The following N4BP2L2 variants were observed in gnomAD, a reference collection of about 807,000 sequenced individuals.
N4BP2L2 encodes NEDD4-binding protein 2-like 2.
N4BP2L2 carries 50 observed loss-of-function variants against 56.2 expected under a neutral mutation model. That is an observed-to-expected ratio of 0.89 (90% CI 0.71 to 1.13). N4BP2L2 has a LOEUF of 1.13. N4BP2L2 is among the 50% of genes most tolerant of loss of function. The pLI is 0.00. For synonymous variants in N4BP2L2, 203 were observed against 223.6 expected (o/e 0.91, Z 0.82); for missense variants, 689 against 693.8 (o/e 0.99, Z 0.08).
At chr13:32,534,122 T>C (rs1307082830) in intron 2 of N4BP2L2, among the ~76,000 whole-genome samples, 3 of 152,170 alleles carry the variant, frequency 2.0e-5, no homozygotes, top group Non-Finnish European at 2.9e-5. Flanking sequence ...AAACAACCCA[T>C]TGCACAAGAT....
At chr13:32,524,653 A>G (rs891662245) in intron 3 of N4BP2L2, 4 of 152,220 alleles carry the variant, frequency 2.6e-5, no homozygotes, top group African/African-American at 9.7e-5. Flanking sequence ...ATTCAAGTTC[A>G]TATTTATTAT....
At chr13:32,470,220 C>T (rs2082047562) in intron 6 of N4BP2L2, among the ~76,000 whole-genome samples, 1 of 152,186 alleles carries the variant, frequency 6.6e-6, no homozygotes, top group African/African-American at 2.4e-5. Flanking sequence ...GGAACTGGGA[C>T]TTCTTTTCCA....
chr13:32,519,095 A>G (rs1377914812), intron 5 of N4BP2L2, among the ~76,000 whole-genome samples: 1 of 152,170 alleles, frequency 6.6e-6, no homozygotes, highest in East Asian at 1.9e-4. Context: ...AAGAAAAGAA[A>G]GCAAAAAAGA....
At chr13:32,479,163 A>T (rs374887047) in intron 6 of N4BP2L2, among the ~76,000 whole-genome samples, 3 of 152,046 alleles carry the variant, frequency 2.0e-5, no homozygotes, top group Admixed American at 1.3e-4. Context: ...GAACGTTATG[A>T]TATTATTGAA....
chr13:32,526,302 C>T (rs1448354576), intron 3 of N4BP2L2, among the ~76,000 whole-genome samples: 2 of 152,094 alleles, frequency 1.3e-5, no homozygotes, highest in Admixed American at 1.3e-4. Context: ...CCAATTCAAA[C>T]AAAATAACTG....
At chr13:32,498,671 T>C (rs2089317512) in intron 6 of N4BP2L2, among the ~76,000 whole-genome samples, 1 of 151,930 alleles carries the variant, frequency 6.6e-6, no homozygotes, top group Non-Finnish European at 1.5e-5. Flanking sequence ...TATACATTAC[T>C]AAAGTATCAG....
intron 8 of N4BP2L2, among the ~76,000 whole-genome samples, chr13:32,437,980 T>C (rs1159374810): frequency 2.0e-5 from 3 of 152,256 alleles, no homozygotes; most frequent in Admixed American, 2.0e-4. Context: ...TATTTTTTAT[T>C]CCATAATTTA....
At chr13:32,491,350 T>C (rs2087012475) in intron 6 of N4BP2L2, among the ~76,000 whole-genome samples, 2 of 152,064 alleles carry the variant, frequency 1.3e-5, no homozygotes, top group South Asian at 2.1e-4. Context: ...GCTCCTGTTA[T>C]ACTAAGTAGA....
intron 8 of N4BP2L2, among the ~76,000 whole-genome samples, chr13:32,436,806 AAAAAGAAAGGAAG>A (rs2075552108): frequency 8.4e-5 from 11 of 130,700 alleles, no homozygotes; most frequent in Admixed American, 7.9e-4. Context: ...AAAAAAAAAA[AAAAAGAAAGGAAG>A]AAAGAAAGAA....
At chr13:32,435,676 G>A (rs1217694679) in intron 9 of N4BP2L2, among the ~76,000 whole-genome samples, 2 of 152,030 alleles carry the variant, frequency 1.3e-5, no homozygotes, top group Non-Finnish European at 2.9e-5. Context: ...CAAATCTTCA[G>A]TTCTTCCTCT....
At chr13:32,536,270 A>G (rs770174317) in exon 2 of N4BP2L2, 1 of 1,613,656 alleles carries the variant, frequency 6.2e-7, no homozygotes, top group Non-Finnish European at 8.5e-7. Context: ...AAATGTAGGT[A>G]TTACTTGTCC....
chr13:32,534,668 A>C (rs1190700656), intron 2 of N4BP2L2, among the ~76,000 whole-genome samples: 3 of 152,194 alleles, frequency 2.0e-5, no homozygotes, highest in Non-Finnish European at 4.4e-5. Flanking sequence ...AAATATCACA[A>C]ATTAAATCTT....
intron 6 of N4BP2L2, among the ~76,000 whole-genome samples, chr13:32,491,236 C>T (rs545996800): frequency 1.3e-5 from 2 of 152,176 alleles, no homozygotes; most frequent in African/African-American, 2.4e-5. Context: ...TTTCATCATG[C>T]TTACCATGCA....
rs553697945 is a variant in N4BP2L2, at chr13:32,440,016, A to G, written c.2105-1279T>C. ...ACTCTAGCCTGGGTGGCAGAGCGAG[A>G]CTCCGTCTCAAAAAAAAAAAAAAAG... On this transcript the variant is annotated intron_variant, in intron 7 of 9. Coordinates refer to the N4BP2L2 transcript ENST00000357505. Among the ~76,000 whole-genome samples, 237 of 144,030 alleles carry G rather than the reference A, an allele frequency of 1.6e-3. 4 individuals carry two copies. In the South Asian group the frequency reaches 0.028, roughly 17 times the overall value. The allele number at this position is 144,030 out of a possible 152,430, so 94.5% of individuals were successfully genotyped here.
chr13:32,455,008 G>C (rs1376793559), intron 6 of N4BP2L2, among the ~76,000 whole-genome samples: 3 of 152,196 alleles, frequency 2.0e-5, no homozygotes, highest in Non-Finnish European at 4.4e-5. Context: ...TAAGCCCTGA[G>C]ACTACTGCAG....
At chr13:32,465,855 T>C (rs2081130269) in intron 6 of N4BP2L2, among the ~76,000 whole-genome samples, 1 of 152,134 alleles carries the variant, frequency 6.6e-6, no homozygotes, top group African/African-American at 2.4e-5. Flanking sequence ...GGTTTCACCA[T>C]GTTGGTCAGG....
intron 6 of N4BP2L2, among the ~76,000 whole-genome samples, chr13:32,476,344 T>A (rs972427389): frequency 1.3e-5 from 2 of 152,168 alleles, no homozygotes; most frequent in African/African-American, 4.8e-5. Context: ...CTTCTTTGCT[T>A]TTGTCTAAAA....
At chr13:32,443,092 G>A (rs756539107) in exon 7 of N4BP2L2, 2 of 1,604,764 alleles carry the variant, frequency 1.2e-6, no homozygotes, top group South Asian at 1.1e-5. Context: ...CTTATTTTTT[G>A]TTGATTCTAA....
At chr13:32,494,433 C>T (rs1312774624) in intron 6 of N4BP2L2, among the ~76,000 whole-genome samples, 2 of 151,914 alleles carry the variant, frequency 1.3e-5, no homozygotes, top group Non-Finnish European at 2.9e-5. Flanking sequence ...CCAGAATATC[C>T]ATAAATAGCA....
Sources: gnomAD v4.1 joint callset for allele counts (sites outside exome capture counted in the v4.1 genomes callset) on GRCh38, gnomAD v4.1.1 for gene constraint, MANE v1.5 for transcripts, NCBI Gene and HGNC (gene_info 2026-07-23, HGNC 2026-07-21) for gene names.